VPS13D: variants seen among roughly 807,000 people sequenced by gnomAD.
VPS13D encodes vacuolar protein sorting 13 homolog D.
VPS13D carries 187 observed loss-of-function variants against 461.9 expected under a neutral mutation model. That is an observed-to-expected ratio of 0.40 (90% CI 0.36 to 0.46). The LOEUF is 0.46. VPS13D is among the 20% of genes least tolerant of loss of function. The pLI is 0.60. For synonymous variants in VPS13D, 1,951 were observed against 1,986.3 expected, an observed-to-expected ratio of 0.98 and a Z score of 0.47; for missense variants, 4,711 against 5,364.9, an observed-to-expected ratio of 0.88 and a Z score of 3.81.
chr1:12,504,895 A>T (rs747371040), intron 68 of VPS13D, among the ~76,000 whole-genome samples: 1 of 152,104 alleles, frequency 6.6e-6, no homozygotes, highest in African/African-American at 2.4e-5. Context: ...CCCTTGGCTG[A>T]CATGTAAATG....
At chr1:12,341,914 T>C (rs1299689657) in intron 41 of VPS13D, 29 bp downstream of exon 41, 2 of 1,607,608 alleles carry the variant, frequency 1.2e-6, no homozygotes, top group Non-Finnish European at 1.7e-6. Context: ...TTACCCCGAG[T>C]CATCTCTGCC....
intron 13 of VPS13D, among the ~76,000 whole-genome samples, chr1:12,265,257 T>C (rs965345325): frequency 2.0e-5 from 3 of 152,190 alleles, no homozygotes; most frequent in African/African-American, 7.2e-5. Context: ...CTGCAGCCCA[T>C]GGATCCAGGA....
chr1:12,326,871 C>G (rs1215941515), intron 35 of VPS13D, among the ~76,000 whole-genome samples: 1 of 152,052 alleles, frequency 6.6e-6, no homozygotes, highest in African/African-American at 2.4e-5. Flanking sequence ...TCTCGATCTC[C>G]TGACCTCATG....
chr1:12,428,774 C>T (rs1235515385), intron 65 of VPS13D, among the ~76,000 whole-genome samples: 1 of 152,222 alleles, frequency 6.6e-6, no homozygotes, highest in Non-Finnish European at 1.5e-5. Flanking sequence ...TATCCGTCAA[C>T]ATTTCTCACA....
chr1:12,500,704 C>G (rs1385801451), intron 68 of VPS13D, among the ~76,000 whole-genome samples: 2 of 151,768 alleles, frequency 1.3e-5, no homozygotes, highest in African/African-American at 4.8e-5. Context: ...CATCCACCAG[C>G]CAGATAAGTT....
rs373118492 is a variant in VPS13D, at chr1:12,249,544, T to G, written c.564+205T>G. The G allele has an allele frequency of 1.2e-4, 49 of 420,440 alleles. 3 individuals are homozygous for G. The Admixed American group carries it at 1.4e-3, about 12-fold the overall frequency. The allele number at this position is 420,440 out of a possible 1,614,324, so 26.0% of individuals were successfully genotyped here. A position where few individuals can be genotyped will look rare whatever the true frequency, so the allele number is the denominator to read the frequency against. On this transcript the variant is annotated intron_variant, in intron 6 of 69. Coordinates refer to ENST00000620676, the MANE Select transcript of VPS13D (RefSeq NM_015378.4). ...GGTAATTTTCTCTGACCTTTGGTTATATCACTTTCATTTTATACATGAAGA... is the reference window on the plus strand; with the variant it reads ...GGTAATTTTCTCTGACCTTTGGTTAGATCACTTTCATTTTATACATGAAGA...
chr1:12,402,059 C>T (rs1373752664), intron 62 of VPS13D, among the ~76,000 whole-genome samples: 1 of 152,164 alleles, frequency 6.6e-6, no homozygotes, highest in African/African-American at 2.4e-5. Context: ...CATTTTGTTT[C>T]CTAACCTTTG....
At chr1:12,322,893 C>G (rs1227331700) in intron 34 of VPS13D, 147 bp downstream of exon 34, 1 of 704,666 alleles carries the variant, frequency 1.4e-6, no homozygotes, top group Non-Finnish European at 2.3e-6. Flanking sequence ...ATGACTCTCT[C>G]ATTTTTTAAA....
At chr1:12,424,689 A>G (rs1644902715) in intron 65 of VPS13D, among the ~76,000 whole-genome samples, 1 of 152,136 alleles carries the variant, frequency 6.6e-6, no homozygotes, top group Non-Finnish European at 1.5e-5. Context: ...TGATGCCACT[A>G]TTGATGTCCT....
intron 2 of VPS13D, among the ~76,000 whole-genome samples, chr1:12,234,937 T>C (rs2101175045): frequency 6.6e-6 from 1 of 152,366 alleles, no homozygotes; most frequent in East Asian, 1.9e-4. Flanking sequence ...GTAGAGTACC[T>C]GAAGCTTCAG....
At chr1:12,478,920 A>G (rs1203697867) in intron 67 of VPS13D, 10 of 454,772 alleles carry the variant, frequency 2.2e-5, no homozygotes, top group African/African-American at 1.8e-4. Context: ...GCTTGGGATG[A>G]TGCCGTTTTC....
In VPS13D at chr1:12,460,265, T is replaced by C; in HGVS notation, c.12531T>C (p.Gly4177=). 1 of 1,611,596 alleles carries C rather than the reference T, an allele frequency of 6.2e-7. No homozygotes were observed. Among genetic ancestry groups the C allele is most frequent in the Non-Finnish European group, 8.5e-7 (1 of 1,178,908 alleles). Residue 4177 remains glycine, a synonymous_variant, in exon 67 of 70, where the codon GGT becomes GGC. Coordinates refer to ENST00000620676, the MANE Select transcript of VPS13D (RefSeq NM_015378.4). ...STVEGVKTEG[G]VSGFISGLGK... is the part of the protein sequence containing the mutation. ...TGGAAGGTGTGAAAACAGAAGGGGGTGTCAGCGGTTTCATATCTGGCCTTG... is the reference window on the plus strand; with the variant it reads ...TGGAAGGTGTGAAAACAGAAGGGGGCGTCAGCGGTTTCATATCTGGCCTTG...
In VPS13D at chr1:12,502,141, G is replaced by A. The variant is rs1373651074; in HGVS notation, c.12794+4510G>A. 1.3e-5 allele frequency among the ~76,000 whole-genome samples: 2 copies of A among 152,218 alleles called. No homozygotes were observed. Among genetic ancestry groups the A allele is most frequent in the East Asian group, 1.9e-4 (1 of 5,176 alleles). On this transcript the variant is annotated intron_variant, in intron 68 of 69. Transcript: ENST00000620676. The surrounding 1 kb of genome is among the most constrained non-coding windows in gnomAD (Gnocchi z 4.3). The stretch of plus-strand genomic sequence containing the variant: ...AGGAAGAGGATCCCACTCAAAATTC[G>A]TCATGAAAAATAAAACCTTGACAGC...
chr1:12,487,565 C>A (rs962439321), intron 67 of VPS13D, among the ~76,000 whole-genome samples: 3 of 147,860 alleles, frequency 2.0e-5, no homozygotes, highest in Non-Finnish European at 4.5e-5. Flanking sequence ...GAGCCGAGAT[C>A]ACACCACTAC....
chr1:12,258,024 A>C lies in VPS13D; in HGVS notation c.1031A>C (p.His344Pro). The C allele has an allele frequency of 1.2e-6, 2 of 1,614,202 alleles. No homozygotes were observed. Among genetic ancestry groups the C allele is most frequent in the Non-Finnish European group, 8.5e-7 (1 of 1,180,044 alleles). The change falls in exon 10 of 70, where the codon CAC (histidine) becomes CCC (proline). Residue 344 changes from histidine to proline, a missense_variant. Physicochemically the swap from His to Pro is moderately conservative, Grantham distance 77 (BLOSUM62 -2). This residue lies in a region of VPS13D where 4,411 missense variants were observed against 4,937.8 expected (regional missense o/e 0.89). Transcript: ENST00000620676. ...CGTTGCACCTGGGACTTTATGTTGC[A>C]CCGCGCTCGTGATGCTGTATCTTAC... ...RKRCTWDFMLHRARDAVSYTD... is the reference protein window; with the variant it reads ...RKRCTWDFMLPRARDAVSYTD...
intron 52 of VPS13D, among the ~76,000 whole-genome samples, chr1:12,365,653 G>A (rs1023548232): frequency 9.3e-5 from 14 of 150,748 alleles, no homozygotes; most frequent in Admixed American, 4.0e-4. Flanking sequence ...GCAGTGACCC[G>A]AGATCGTGCC....
At chr1:12,446,070 G>A (rs1645188826) in intron 65 of VPS13D, among the ~76,000 whole-genome samples, 1 of 152,222 alleles carries the variant, frequency 6.6e-6, no homozygotes, top group South Asian at 2.1e-4. Flanking sequence ...AGTTTCCACT[G>A]TGAATGGTGT....
chr1:12,404,065 G>A (rs1644615915), intron 63 of VPS13D, 92 bp downstream of exon 63: 4 of 1,157,246 alleles, frequency 3.5e-6, no homozygotes, highest in Non-Finnish European at 2.3e-6. Context: ...TTGTGTGTGT[G>A]TGTGCTTTTT....
chr1:12,395,505 G>T (rs1644483347), intron 60 of VPS13D, among the ~76,000 whole-genome samples: 1 of 152,106 alleles, frequency 6.6e-6, no homozygotes, highest in African/African-American at 2.4e-5. Flanking sequence ...CACAATTTCA[G>T]CTCTTTCTCT....
Sources: allele counts gnomAD v4.1 joint callset (sites outside exome capture counted in the v4.1 genomes callset), GRCh38; gene constraint gnomAD v4.1.1; regional missense constraint gnomAD v4.1.1; non-coding constraint Gnocchi (gnomAD v3.1); transcripts MANE v1.5; gene names NCBI Gene and HGNC (gene_info 2026-07-23, HGNC 2026-07-21).